Variants in PLD1 observed in about 807,000 individuals in gnomAD.
PLD1 encodes choline phosphatase 1.
PLD1 carries 112 observed loss-of-function variants against 137.1 expected under a neutral mutation model. The ratio of observed to expected loss-of-function variants is 0.82; its 90% confidence interval spans 0.70 to 0.96. The LOEUF is 0.96. PLD1 is among the 40% of genes least tolerant of loss of function. PLD1 has a pLI of 0.00. For missense variants in PLD1, 1,321 were observed against 1,342.0 expected (o/e 0.98, Z 0.24); for synonymous variants, 431 against 454.7 (o/e 0.95, Z 0.66).
intron 19 of PLD1, among the ~76,000 whole-genome samples, chr3:171,669,534 T>C (rs1245490342): frequency 6.6e-6 from 1 of 152,226 alleles, no homozygotes; most frequent in African/African-American, 2.4e-5. Flanking sequence ...CTCAAGTAGC[T>C]GTGATTACAG....
At chr3:171,684,311 C>T (rs1199647178) in intron 16 of PLD1, among the ~76,000 whole-genome samples, 8 of 152,182 alleles carry the variant, frequency 5.3e-5, no homozygotes, top group Non-Finnish European at 8.8e-5. Flanking sequence ...TCATTTTTAA[C>T]TTCAGTAATA....
At chr3:171,768,666 G>A (rs532505309) in intron 1 of PLD1, among the ~76,000 whole-genome samples, 3 of 152,300 alleles carry the variant, frequency 2.0e-5, no homozygotes, top group Admixed American at 2.0e-4. Context: ...CTCAACGTTT[G>A]GGGCGTAGCC....
Position 171,662,057 on chromosome 3 carries a change from T to C in PLD1, c.2340+3A>G. On this transcript the variant is annotated splice_donor_region_variant and intron_variant, in intron 20 of 26. Coordinates refer to ENST00000351298, the MANE Select transcript of PLD1 (RefSeq NM_002662.5). The stretch of plus-strand genomic sequence containing the variant: ...CACACGAATTTACATGAGCAAGACT[T>C]ACTTCGATATAGATATAGTGCCTGC... 1.3e-6 allele frequency: 2 copies of C among 1,546,202 alleles called. No homozygotes were observed. Among genetic ancestry groups the C allele is most frequent in the Non-Finnish European group, 1.8e-6 (2 of 1,119,498 alleles).
chr3:171,637,673 C>T (rs1735247480), intron 23 of PLD1, among the ~76,000 whole-genome samples: 1 of 152,100 alleles, frequency 6.6e-6, no homozygotes, highest in South Asian at 2.1e-4. Flanking sequence ...ATTGTTTGAA[C>T]ATCATAAAGT....
intron 1 of PLD1, among the ~76,000 whole-genome samples, chr3:171,777,706 G>A (rs771106173): frequency 1.4e-4 from 22 of 151,870 alleles, no homozygotes; most frequent in Non-Finnish European, 2.5e-4. Context: ...CCCCCTCCTC[G>A]ACAGTAAAGG....
chr3:171,688,733 G>A lies in PLD1; in HGVS notation c.1482C>T (p.Leu494=), dbSNP rs1413887565. Residue 494 remains leucine, a synonymous_variant, in exon 14 of 27, where the codon CTC becomes CTT. Coordinates refer to ENST00000351298, the MANE Select transcript of PLD1 (RefSeq NM_002662.5). ...YGRWDDNEHR[L]TDVGSVKRVT... ...CCCGCTTCACACTGCCCACGTCTGT[G>A]AGTCTGTGCTCATTGTCGTCCCACC... The A allele has an allele frequency of 4.3e-6, 7 of 1,614,020 alleles. No individual in the cohort carries two copies. In the African/African-American group the frequency reaches 9.3e-5, roughly 22 times the overall value.
chr3:171,676,528 C>A (rs1196148996), intron 18 of PLD1, among the ~76,000 whole-genome samples, 187 bp downstream of exon 18: 1 of 148,524 alleles, frequency 6.7e-6, no homozygotes, highest in African/African-American at 2.5e-5. Context: ...TGTGGACATT[C>A]GGGAATGTTT....
At chr3:171,689,777 C>T (rs1265838631) in intron 13 of PLD1, among the ~76,000 whole-genome samples, 2 of 152,200 alleles carry the variant, frequency 1.3e-5, no homozygotes, top group African/African-American at 4.8e-5. Context: ...GCTGGGACTA[C>T]ATGCATGAGC....
At chr3:171,666,821 G>T (rs1712197732) in intron 19 of PLD1, among the ~76,000 whole-genome samples, 1 of 152,066 alleles carries the variant, frequency 6.6e-6, no homozygotes, top group African/African-American at 2.4e-5. Context: ...ATAAAAAATG[G>T]CATATTTCTG....
At chr3:171,805,269 C>T (rs1376600309) in intron 1 of PLD1, among the ~76,000 whole-genome samples, 1 of 152,148 alleles carries the variant, frequency 6.6e-6, no homozygotes, top group Non-Finnish European at 1.5e-5. Context: ...ATATTGCCCT[C>T]ATCCAGAGGG....
In PLD1 at chr3:171,764,946, GAAAGAAA is replaced by G. The variant is rs751937177; in HGVS notation, c.-31-26871_-31-26865del. Among the ~76,000 whole-genome samples the G allele has an allele frequency of 1.0e-2, 229 of 22,944 alleles. 29 individuals are homozygous for G. The highest frequency in any genetic ancestry group is 0.012 in the Non-Finnish European group (131 of 11,366). 15.1% of individuals were successfully genotyped at this position (22,944 alleles called of 152,430 possible). A position where few individuals can be genotyped will look rare whatever the true frequency, so the allele number is the denominator to read the frequency against. ...AAAGGAAAGAAAGGAAAGAAAGAAA[GAAAGAAA>G]GAAAGAAAGAAAGAAAGAAAGAAAG... On this transcript the variant is annotated intron_variant, in intron 1 of 26. Coordinates refer to ENST00000351298, the MANE Select transcript of PLD1 (RefSeq NM_002662.5).
intron 19 of PLD1, among the ~76,000 whole-genome samples, chr3:171,662,624 G>A (rs916850491): frequency 6.6e-6 from 1 of 152,034 alleles, no homozygotes; most frequent in Non-Finnish European, 1.5e-5. Context: ...CTCTTAAAAG[G>A]GTACTGGTTT....
Position 171,625,854 on chromosome 3 carries a change from A to C in PLD1, c.2594-5334T>G, listed in dbSNP as rs532164020. Among the ~76,000 whole-genome samples the C allele has an allele frequency of 6.6e-5, 10 of 152,300 alleles. No homozygotes were observed. The East Asian group carries it at 1.9e-3, about 29-fold the overall frequency. Reference sequence around the variant, plus strand: ...ATCCACACCAAAAACCCATCTGTACATCACCATCATCAAAGACCAAAAGTA... The same window carrying C: ...ATCCACACCAAAAACCCATCTGTACCTCACCATCATCAAAGACCAAAAGTA... On this transcript the variant is annotated intron_variant, in intron 23 of 26. Transcript: ENST00000351298.
At chr3:171,753,236 T>C (rs997155193) in intron 1 of PLD1, among the ~76,000 whole-genome samples, 1 of 152,316 alleles carries the variant, frequency 6.6e-6, no homozygotes, top group East Asian at 1.9e-4. Flanking sequence ...GCTGCTCCTA[T>C]GCATAGTACT....
chr3:171,731,605 C>A (rs1006997592), intron 6 of PLD1, among the ~76,000 whole-genome samples: 4 of 151,960 alleles, frequency 2.6e-5, no homozygotes, highest in African/African-American at 9.7e-5. Context: ...CATGGTGAAA[C>A]CTCGTCTCTA....
chr3:171,734,824 C>A (rs988247287), intron 5 of PLD1, 41 bp downstream of exon 5: 7 of 1,296,892 alleles, frequency 5.4e-6, no homozygotes, highest in Non-Finnish European at 7.8e-6. Flanking sequence ...TACAGCACTG[C>A]AAAATTAGGT....
intron 17 of PLD1, among the ~76,000 whole-genome samples, chr3:171,677,046 G>A (rs369104245): frequency 6.1e-4 from 93 of 152,330 alleles, no homozygotes; most frequent in African/African-American, 2.1e-3. Flanking sequence ...ATATGTTTCC[G>A]TTTCACTTAG....
intron 1 of PLD1, among the ~76,000 whole-genome samples, chr3:171,741,155 T>C (rs1267893422): frequency 1.3e-5 from 2 of 152,222 alleles, no homozygotes; most frequent in Non-Finnish European, 1.5e-5. Context: ...AGTTTCTTCT[T>C]AGCCTTTTAC....
At chr3:171,763,768 G>A (rs1721605206) in intron 1 of PLD1, among the ~76,000 whole-genome samples, 1 of 150,160 alleles carries the variant, frequency 6.7e-6, no homozygotes, top group Admixed American at 6.6e-5. Flanking sequence ...TCAAATCCTT[G>A]GTATAGCATA....
Sources: gnomAD v4.1 joint callset for allele counts (sites outside exome capture counted in the v4.1 genomes callset) on GRCh38, gnomAD v4.1.1 for gene constraint, MANE v1.5 for transcripts, NCBI Gene and HGNC (gene_info 2026-07-23, HGNC 2026-07-21) for gene names.